SDHA: variants seen among roughly 807,000 people sequenced by gnomAD.
SDHA encodes succinate dehydrogenase [ubiquinone] flavoprotein subunit, mitochondrial.
In SDHA, 48 loss-of-function variants were observed where a neutral mutation model predicts 78.4. The ratio of observed to expected loss-of-function variants is 0.61; its 90% CI spans 0.49 to 0.78. SDHA has a LOEUF of 0.78. SDHA is among the 30% of genes least tolerant of loss of function. The pLI, the probability that SDHA is intolerant of heterozygous loss-of-function variation, is 0.00. For synonymous variants in SDHA, 326 were observed against 353.9 expected, an observed-to-expected ratio of 0.92 and a Z score of 0.88; for missense variants, 680 against 892.7, an observed-to-expected ratio of 0.76 and a Z score of 3.04.
At chr5:243,670 A>C (rs191042465) in intron 11 of SDHA, among the ~76,000 whole-genome samples, 1 of 152,238 alleles carries the variant, frequency 6.6e-6, no homozygotes, top group Non-Finnish European at 1.5e-5. Context: ...GTCTCTTAAA[A>C]AGGTGATCGC....
At position 235,261 on chromosome 5, in the gene SDHA, C is replaced by T. The variant is rs377317558; in HGVS notation, c.1182C>T (p.Asp394=). The stretch of plus-strand genomic sequence containing the variant: ...CAGCCATGATCTTCGCTGGCGTGGA[C>T]GTCACGAAGGAGCCGATCCCTGTCC... ...SETAMIFAGV[D]VTKEPIPVLP... The change falls in exon 9 of 15, where the codon GAC becomes GAT. Residue 394 remains aspartate (D), a synonymous_variant. Transcript: ENST00000264932. 8.1e-6 allele frequency: 13 copies of T among 1,614,032 alleles called. No homozygotes were observed. The East Asian group carries it at 8.9e-5, about 11-fold the overall frequency.
At chr5:250,833 G>C (rs1423763505) in intron 11 of SDHA, 159 bp from the exon 12 acceptor site, 11 of 685,826 alleles carry the variant, frequency 1.6e-5, no homozygotes, top group Non-Finnish European at 2.6e-5. Context: ...TCATTTTTAA[G>C]TTTGGAGTAA....
At chr5:243,586 C>A (rs1165439393) in intron 11 of SDHA, among the ~76,000 whole-genome samples, 1 of 152,142 alleles carries the variant, frequency 6.6e-6, no homozygotes, top group African/African-American at 2.4e-5. Flanking sequence ...AGGTAGAGAA[C>A]AATACCCTTC....
the SDHA span, among the ~76,000 whole-genome samples, chr5:263,583 G>A: frequency 5.9e-5 from 9 of 152,360 alleles, no homozygotes; most frequent in South Asian, 1.0e-3. Flanking sequence ...TGTGGGTAGA[G>A]TGTGTTCATT....
Position 251,439 on chromosome 5 carries a change from C to G in SDHA, c.1765C>G (p.Arg589Gly), listed in dbSNP as rs387906780. Residue 589 changes from arginine to glycine, a missense_variant, in exon 13 of 15, where the codon CGG becomes GGG. Transcript: ENST00000264932. ...CGGAGCAGAGGCACGGAAGGAGTCA[C>G]GGGGCGCGCATGCCAGGGAAGACTA... ...IYGAEARKES[R>G]GAHAREDYKV... The G allele has an allele frequency of 1.2e-6, 2 of 1,613,982 alleles. No individual in the cohort carries two copies. Among genetic ancestry groups the G allele is most frequent in the Non-Finnish European group, 1.7e-6 (2 of 1,179,860 alleles).
At chr5:263,834 T>G in the SDHA span, among the ~76,000 whole-genome samples, 2 of 148,206 alleles carry the variant, frequency 1.3e-5, no homozygotes. Flanking sequence ...ATTTGCCCTT[T>G]GACTCAGCAA....
At chr5:255,923 G>T (rs58091468) in intron 14 of SDHA, among the ~76,000 whole-genome samples, 36,606 of 152,128 alleles carry the variant, frequency 0.24, 6,869 homozygotes, top group African/African-American at 0.53. Context: ...CAGAAGCGTT[G>T]TGGATTTCAG....
chr5:259,274 T>C (rs374461768), downstream of SDHA, among the ~76,000 whole-genome samples: 11 of 42,734 alleles, frequency 2.6e-4, no homozygotes, highest in East Asian at 1.7e-3. Context: ...GAGCTCCGCC[T>C]CCCGCCAGAG....
chr5:225,667 G>C, intron 4 of SDHA, 105 bp downstream of exon 4: 2 of 1,517,800 alleles, frequency 1.3e-6, no homozygotes, highest in Non-Finnish European at 1.8e-6. Flanking sequence ...CCAAAAGAAT[G>C]GTGATGAGCA....
chr5:247,422 C>T (rs1349172950), intron 11 of SDHA, among the ~76,000 whole-genome samples: 1 of 152,230 alleles, frequency 6.6e-6, no homozygotes, highest in Non-Finnish European at 1.5e-5. Flanking sequence ...GGCTGATCGC[C>T]TAGTTGCTAC....
chr5:240,518 A>G (rs779620884), intron 11 of SDHA, 42 bp downstream of exon 11: 2 of 1,288,388 alleles, frequency 1.6e-6, no homozygotes, highest in Admixed American at 1.7e-5. Context: ...GGAGGGCTGC[A>G]TACCTGGCCC....
In SDHA at chr5:218,410, G is replaced by A. The variant is rs1560980986; in HGVS notation, c.55G>A (p.Ala19Thr). The change falls in exon 1 of 15, where the codon GCC becomes ACC. Residue 19 changes from alanine (A) to threonine (T), a missense_variant. Transcript: ENST00000264932. ...RLLSARRLALAKAWPTVLQTG... is the reference protein window; with the variant it reads ...RLLSARRLALTKAWPTVLQTG... ...GCTGAGCGCTCGGCGCCTGGCGCTGGCCAAGGCGGTGAGTCCGTGCCGCGG... is the reference window on the plus strand; with the variant it reads ...GCTGAGCGCTCGGCGCCTGGCGCTGACCAAGGCGGTGAGTCCGTGCCGCGG... 8 of 1,442,212 alleles carry A rather than the reference G, an allele frequency of 5.5e-6. No homozygotes were observed. Among genetic ancestry groups the A allele is most frequent in the Non-Finnish European group, 7.2e-6 (8 of 1,108,178 alleles). 89.3% of individuals were successfully genotyped at this position (1,442,212 alleles called of 1,614,324 possible).
At chr5:254,707 G>A (rs1329595546) in intron 14 of SDHA, among the ~76,000 whole-genome samples, 3 of 152,162 alleles carry the variant, frequency 2.0e-5, no homozygotes, top group Admixed American at 6.5e-5. Flanking sequence ...CCTGCAGGTG[G>A]TTCAGAGGAG....
chr5:230,023 A>G (rs1053468393), intron 6 of SDHA, among the ~76,000 whole-genome samples: 2 of 150,606 alleles, frequency 1.3e-5, no homozygotes. Flanking sequence ...TAGAGTTAAT[A>G]TTATACAGCA....
At chr5:262,345 C>T in the SDHA span, among the ~76,000 whole-genome samples, 2 of 111,030 alleles carry the variant, frequency 1.8e-5, no homozygotes, top group African/African-American at 6.6e-5. Context: ...TGAGCTCCGC[C>T]TCCCGGCAGA....
intron 10 of SDHA, among the ~76,000 whole-genome samples, chr5:238,524 C>CA (rs1175472340): frequency 2.6e-5 from 4 of 151,932 alleles, no homozygotes; most frequent in African/African-American, 9.7e-5. Flanking sequence ...CACACCACCA[C>CA]ACCTGGCTAA....
chr5:262,281 CT>C, the SDHA span, among the ~76,000 whole-genome samples: 3 of 136,090 alleles, frequency 2.2e-5, no homozygotes, highest in African/African-American at 9.0e-5. Flanking sequence ...TGAGCTCCGC[CT>C]CCCGACAGAG....
chr5:255,639 C>T (rs1737136689), intron 14 of SDHA, among the ~76,000 whole-genome samples: 1 of 151,966 alleles, frequency 6.6e-6, no homozygotes, highest in Admixed American at 6.6e-5. Context: ...GATGGGGTTT[C>T]TCCACGTTGC....
intron 11 of SDHA, 180 bp from the exon 12 acceptor site, chr5:250,812 T>C: frequency 1.6e-6 from 1 of 636,688 alleles, no homozygotes. Flanking sequence ...TCAGAAGCTT[T>C]AGTCAAAACT....
Sources: gnomAD v4.1 joint callset for allele counts (sites outside exome capture counted in the v4.1 genomes callset) on GRCh38, gnomAD v4.1.1 for gene constraint, MANE v1.5 for transcripts, NCBI Gene and HGNC (gene_info 2026-07-23, HGNC 2026-07-21) for gene names.